ABI2: variants seen among roughly 807,000 people sequenced by gnomAD.
ABI2 encodes abelson interactor 2.
ABI2 carries 25 observed loss-of-function variants against 59.2 expected under a neutral mutation model. The observed-to-expected ratio is 0.42, with a 90% CI of 0.31 to 0.59. The LOEUF is 0.59. ABI2 is among the 20% of genes least tolerant of loss of function. ABI2 has a pLI of 0.14. For missense variants in ABI2, 545 were observed against 681.8 expected (o/e 0.80, Z 2.23); for synonymous variants, 213 against 235.5 (o/e 0.90, Z 0.87).
chr2:203,341,132 T>A (rs1250854611), intron 1 of ABI2, among the ~76,000 whole-genome samples: 1 of 152,210 alleles, frequency 6.6e-6, no homozygotes, highest in Non-Finnish European at 1.5e-5. Flanking sequence ...TCCTGGCTAC[T>A]CTGTGTAAAA....
At chr2:203,335,183 A>C (rs1490144184) in intron 1 of ABI2, among the ~76,000 whole-genome samples, 2 of 152,234 alleles carry the variant, frequency 1.3e-5, no homozygotes, top group Non-Finnish European at 2.9e-5. Flanking sequence ...CACTCATTAA[A>C]TAGTTGCTGA....
intron 1 of ABI2, among the ~76,000 whole-genome samples, chr2:203,339,309 G>A (rs2078477506): frequency 6.6e-6 from 1 of 151,836 alleles, no homozygotes; most frequent in South Asian, 2.1e-4. Context: ...GCCGGGTGTG[G>A]TGGCTCATGC....
At chr2:203,364,853 C>T (rs369713376) in intron 1 of ABI2, among the ~76,000 whole-genome samples, 23 of 151,860 alleles carry the variant, frequency 1.5e-4, no homozygotes, top group African/African-American at 4.1e-4. Flanking sequence ...CCCACCTCAA[C>T]CTCTCTAGTA....
At chr2:203,348,685 G>A (rs1559180110) in intron 1 of ABI2, among the ~76,000 whole-genome samples, 1 of 151,714 alleles carries the variant, frequency 6.6e-6, no homozygotes, top group East Asian at 1.9e-4. Flanking sequence ...AGCAGTTTTA[G>A]GTTTACACTG....
intron 9 of ABI2, chr2:203,403,290 A>G (rs2097295177): frequency 6.5e-6 from 1 of 153,848 alleles, no homozygotes; most frequent in Admixed American, 6.5e-5. Context: ...AACATATTTA[A>G]TAATTATTAT....
chr2:203,394,911 A>C, intron 6 of ABI2, 65 bp downstream of exon 6: 1 of 1,551,262 alleles, frequency 6.4e-7, no homozygotes, highest in South Asian at 1.1e-5. Flanking sequence ...AGATTACTTC[A>C]GGTAAATCTC....
intron 8 of ABI2, 68 bp from the exon 9 acceptor site, chr2:203,402,508 C>A: frequency 8.4e-7 from 1 of 1,192,742 alleles, no homozygotes; most frequent in Non-Finnish European, 1.1e-6. Context: ...AGGCATTGTA[C>A]ATAAAGTATT....
chr2:203,380,384 G>A lies in ABI2; in HGVS notation c.462G>A (p.Lys154=). 1.3e-6 allele frequency: 2 copies of A among 1,512,802 alleles called. No individual in the cohort carries two copies. The highest frequency in any genetic ancestry group is 1.8e-6 in the Non-Finnish European group (2 of 1,133,370). The allele number at this position is 1,512,802 out of a possible 1,614,324, so 93.7% of individuals were successfully genotyped here. A position where few individuals can be genotyped will look rare whatever the true frequency, so the allele number is the denominator to read the frequency against. ...TILDDIGHGV[K]WLLRFKVSTQ... Reference sequence around the variant, plus strand: ...TAGATGATATTGGACATGGAGTAAAGGTAGGTATAATTTTTTTCAAGCTTT... The same window carrying A: ...TAGATGATATTGGACATGGAGTAAAAGTAGGTATAATTTTTTTCAAGCTTT... The change falls in exon 3 of 12, where the codon AAG becomes AAA. Residue 154 remains lysine (K), a splice_region_variant and synonymous_variant. Coordinates refer to ENST00000261018, the MANE Select transcript of ABI2 (RefSeq NM_001375670.1).
At chr2:203,377,530 CAT>C (rs1225109127) in intron 2 of ABI2, among the ~76,000 whole-genome samples, 1 of 152,112 alleles carries the variant, frequency 6.6e-6, no homozygotes, top group Admixed American at 6.6e-5. Flanking sequence ...AAAAAAGTGT[CAT>C]ATTTTATTTT....
chr2:203,431,993 T>C lies in ABI2; in HGVS notation c.*4641T>C, dbSNP rs772727716. ...AGGGAGAGTTGGTGGTATTATGAGT[T>C]GAGTAAAAACCATCCAGGGGAACTT... On this transcript the variant is annotated 3_prime_UTR_variant, in exon 12 of 12. Coordinates refer to ENST00000261018, the MANE Select transcript of ABI2 (RefSeq NM_001375670.1). 8 of 152,158 alleles carry C rather than the reference T, an allele frequency of 5.3e-5. No homozygotes were observed. The highest frequency in any genetic ancestry group is 7.4e-5 in the Non-Finnish European group (5 of 68,026). The allele number at this position is 152,158 out of a possible 1,614,324, so 9.4% of individuals were successfully genotyped here.
At chr2:203,373,755 G>T (rs2095482061) in intron 2 of ABI2, among the ~76,000 whole-genome samples, 1 of 152,040 alleles carries the variant, frequency 6.6e-6, no homozygotes, top group Non-Finnish European at 1.5e-5. Context: ...TAAAGGAGCT[G>T]GAAAATAATT....
intron 1 of ABI2, among the ~76,000 whole-genome samples, chr2:203,341,105 C>T (rs984993079): frequency 2.0e-5 from 3 of 152,208 alleles, no homozygotes; most frequent in Non-Finnish European, 2.9e-5. Flanking sequence ...TGATACATCA[C>T]GTTCTTGATG....
intron 11 of ABI2, 89 bp downstream of exon 11, chr2:203,417,170 C>G: frequency 8.5e-7 from 1 of 1,172,332 alleles, no homozygotes; most frequent in East Asian, 2.6e-5. Flanking sequence ...TTATTTTCTA[C>G]TAAGTGAAGT....
chr2:203,427,414 C>A lies in ABI2; in HGVS notation c.*62C>A. 1 of 1,425,332 alleles carries A rather than the reference C, an allele frequency of 7.0e-7. No individual in the cohort carries two copies. Among genetic ancestry groups the A allele is most frequent in the Non-Finnish European group, 9.6e-7 (1 of 1,042,760 alleles). 88.3% of individuals were successfully genotyped at this position (1,425,332 alleles called of 1,614,324 possible). Reference sequence around the variant, plus strand: ...CAGGTCTTCCCAGATTATCTGAAGGCCCTGGGGATTCCACTCCAGTAAAGT... The same window carrying A: ...CAGGTCTTCCCAGATTATCTGAAGGACCTGGGGATTCCACTCCAGTAAAGT... On this transcript the variant is annotated 3_prime_UTR_variant, in exon 12 of 12. Coordinates refer to ENST00000261018, the MANE Select transcript of ABI2 (RefSeq NM_001375670.1).
At chr2:203,380,643 A>G (rs1282702568) in intron 3 of ABI2, among the ~76,000 whole-genome samples, 2 of 152,204 alleles carry the variant, frequency 1.3e-5, no homozygotes, top group African/African-American at 4.8e-5. Flanking sequence ...GTTTGAGTAA[A>G]TAAGTGTCGT....
intron 4 of ABI2, among the ~76,000 whole-genome samples, chr2:203,387,120 A>G (rs1253392350): frequency 2.3e-5 from 3 of 128,462 alleles, no homozygotes; most frequent in African/African-American, 9.0e-5. Context: ...CTAGTAGGAG[A>G]TTAATATATA....
At chr2:203,349,419 T>A (rs946076766) in intron 1 of ABI2, among the ~76,000 whole-genome samples, 2 of 152,172 alleles carry the variant, frequency 1.3e-5, no homozygotes, top group Middle Eastern at 3.2e-3. Flanking sequence ...TTTCTTCTTT[T>A]TTGAGGCGGA....
intron 4 of ABI2, 39 bp downstream of exon 4, chr2:203,382,245 T>TA (rs776245189): frequency 1.6e-5 from 24 of 1,500,970 alleles, no homozygotes; most frequent in Non-Finnish European, 2.1e-5. Flanking sequence ...TCTTTGTTCT[T>TA]ATGTAGAATA....
At chr2:203,344,065 G>T (rs1454868109) in intron 1 of ABI2, among the ~76,000 whole-genome samples, 1 of 152,176 alleles carries the variant, frequency 6.6e-6, no homozygotes, top group Non-Finnish European at 1.5e-5. Context: ...CTCAGGGTTG[G>T]AGGCTGCAGT....
Sources: gnomAD v4.1 joint callset for allele counts (sites outside exome capture counted in the v4.1 genomes callset) on GRCh38, gnomAD v4.1.1 for gene constraint, MANE v1.5 for transcripts, NCBI Gene and HGNC (gene_info 2026-07-23, HGNC 2026-07-21) for gene names.